Variants in DET1 observed in about 807,000 individuals in gnomAD.
The protein encoded by DET1 is DET1 partner of COP1 E3 ubiquitin ligase, also known as DET1 homolog.
Under a neutral mutation model 43.7 loss-of-function variants are expected in DET1, and 22 were observed. The observed-to-expected ratio is 0.50, with a 90% CI of 0.36 to 0.72. The LOEUF is 0.72. Ranked by LOEUF, DET1 falls within the 30% of genes least tolerant of loss-of-function variation. DET1 has a pLI of 0.00. For synonymous variants in DET1, 315 were observed against 266.2 expected, an observed-to-expected ratio of 1.18 and a Z score of -1.79; for missense variants, 713 against 713.3, an observed-to-expected ratio of 1.00 and a Z score of 0.00.
rs749926229 is a variant in DET1, at chr15:88,531,321, G to A, written c.385C>T (p.His129Tyr). The A allele has an allele frequency of 2.5e-6, 4 of 1,613,946 alleles. No homozygotes were observed. Among genetic ancestry groups the A allele is most frequent in the Non-Finnish European group, 3.4e-6 (4 of 1,179,872 alleles). ...RLFERFFVLL[H>Y]ITNVAANGEH... ...CCATTGGCCGCAACATTGGTAATGTGCAGCAGGACAAAAAAGCGTTCAAAG... is the reference window on the plus strand; with the variant it reads ...CCATTGGCCGCAACATTGGTAATGTACAGCAGGACAAAAAAGCGTTCAAAG... The change falls in exon 2 of 5, where the codon CAC becomes TAC. Residue 129 changes from histidine (H) to tyrosine (Y), a missense_variant. Physicochemically the swap from His to Tyr is moderately conservative, Grantham distance 83. Transcript: ENST00000268148. The surrounding 1 kb of genome is among the most constrained non-coding windows in gnomAD (Gnocchi z 6.2).
Position 88,537,534 on chromosome 15 carries a change from T to A in DET1, c.-10-5819A>T, listed in dbSNP as rs115450751. Reference sequence around the variant, plus strand: ...CCAGTTTTTGTAAATGAAATTTCACTGGAACCCTCCCATACCCAGTCATTT... The same window carrying A: ...CCAGTTTTTGTAAATGAAATTTCACAGGAACCCTCCCATACCCAGTCATTT... On this transcript the variant is annotated intron_variant, in intron 1 of 4. Transcript: ENST00000268148. 3.6e-3 allele frequency among the ~76,000 whole-genome samples: 545 copies of A among 152,332 alleles called. 3 individuals are homozygous for A. The highest frequency in any genetic ancestry group is 0.013 in the African/African-American group (531 of 41,582).
downstream of DET1, among the ~76,000 whole-genome samples, chr15:88,511,066 C>G (rs1049828831): frequency 6.6e-6 from 1 of 152,198 alleles, no homozygotes; most frequent in South Asian, 2.1e-4. Flanking sequence ...GCCACCACGC[C>G]TGGCTGAGCA....
In DET1 at chr15:88,512,551, G is replaced by T. The variant is rs961112845; in HGVS notation, c.*400C>A. The T allele has an allele frequency of 6.4e-5, 64 of 995,446 alleles. No individual in the cohort carries two copies. The highest frequency in any genetic ancestry group is 7.7e-5 in the Non-Finnish European group (64 of 836,600). 61.7% of individuals were successfully genotyped at this position (995,446 alleles called of 1,614,324 possible). On this transcript the variant is annotated 3_prime_UTR_variant, in exon 5 of 5. Coordinates refer to ENST00000268148, the MANE Select transcript of DET1 (RefSeq NM_001144074.3). ...GCCGTGCTTATGAGCTAAATGGAAA[G>T]GATGTATGTCATTCTCATCAGTAAA...
At chr15:88,535,681 G>T (rs1046991099) in intron 1 of DET1, among the ~76,000 whole-genome samples, 1 of 151,982 alleles carries the variant, frequency 6.6e-6, no homozygotes, top group Non-Finnish European at 1.5e-5. Context: ...ACTTGAGCCT[G>T]GGAAGCAGAG....
chr15:88,529,913 T>G (rs1033474569), intron 2 of DET1, among the ~76,000 whole-genome samples: 1 of 152,230 alleles, frequency 6.6e-6, no homozygotes, highest in Non-Finnish European at 1.5e-5. Flanking sequence ...CTTATTCCCT[T>G]TTGGGAAATG....
At chr15:88,545,467 C>T (rs929597611) in intron 1 of DET1, among the ~76,000 whole-genome samples, 22 of 152,156 alleles carry the variant, frequency 1.4e-4, no homozygotes, top group Admixed American at 6.5e-4. Flanking sequence ...TAGGCAACAA[C>T]AGGAACGAGA....
At chr15:88,533,312 G>T (rs901867384) in intron 1 of DET1, among the ~76,000 whole-genome samples, 1 of 152,176 alleles carries the variant, frequency 6.6e-6, no homozygotes, top group African/African-American at 2.4e-5. Flanking sequence ...CATAGAGGAA[G>T]TTGAACCCTT....
chr15:88,542,562 G>T (rs552990384), intron 1 of DET1, among the ~76,000 whole-genome samples: 3 of 152,276 alleles, frequency 2.0e-5, no homozygotes, highest in Admixed American at 6.5e-5. Context: ...TTAAGAGAAA[G>T]CTCCAGAAAC....
In DET1 at chr15:88,531,165, T is replaced by C; in HGVS notation, c.541A>G (p.Thr181Ala). The C allele has an allele frequency of 6.2e-7, 1 of 1,613,126 alleles. No homozygotes were observed. The highest frequency in any genetic ancestry group is 8.5e-7 in the Non-Finnish European group (1 of 1,179,672). Residue 181 changes from threonine (T) to alanine (A), a missense_variant, in exon 2 of 5, where the codon ACC becomes GCC. Transcript: ENST00000268148. The surrounding 1 kb of genome is among the most constrained non-coding windows in gnomAD (Gnocchi z 6.2). Reference sequence around the variant, plus strand: ...TCTAGAGGGGACCGTGGGTTGGGGGTCACTGATTCACTGTTCCGATATACC... The same window carrying C: ...TCTAGAGGGGACCGTGGGTTGGGGGCCACTGATTCACTGTTCCGATATACC... Reference protein sequence around the residue: ...FEVYRNSESVTPNPRSPLEDY... With the variant: ...FEVYRNSESVAPNPRSPLEDY...
intron 3 of DET1, among the ~76,000 whole-genome samples, chr15:88,522,803 C>G (rs148283753): frequency 6.6e-6 from 1 of 151,814 alleles, no homozygotes; most frequent in Non-Finnish European, 1.5e-5. Flanking sequence ...CAGGCATGAG[C>G]CACCGCGCAC....
rs201071368 is a variant in DET1, at chr15:88,531,644, C to T, written c.62G>A (p.Arg21His). The change falls in exon 2 of 5, where the codon CGC becomes CAC. Residue 21 changes from arginine (R) to histidine (H), a missense_variant. By Grantham distance (29) the Arg-to-His change is conservative (BLOSUM62 0). Transcript: ENST00000268148. This position sits in a 1 kb window ranked among gnomAD's most constrained non-coding sequence, Gnocchi z 6.2. ...TGAACTGATCCGCCGGCGTTCCAAG[C>T]GGTGAATGACATTTTGGTTTTGGAT... ...RRIQNQNVIHRLERRRISSGK... is the reference protein window; with the variant it reads ...RRIQNQNVIHHLERRRISSGK... 93 of 1,613,424 alleles carry T rather than the reference C, an allele frequency of 5.8e-5. No homozygotes were observed. The highest frequency in any genetic ancestry group is 2.7e-4 in the South Asian group (25 of 91,076).
chr15:88,502,357 A>G (rs986202387), intron 8 of DET1: 1 of 152,114 alleles, frequency 6.6e-6, no homozygotes, highest in African/African-American at 2.4e-5. Context: ...CTATTCTTTC[A>G]ACAATTAATT....
At chr15:88,534,328 T>A (rs1337328338) in intron 1 of DET1, among the ~76,000 whole-genome samples, 1 of 152,120 alleles carries the variant, frequency 6.6e-6, no homozygotes, top group African/African-American at 2.4e-5. Context: ...AAAATGCAGC[T>A]ATAAAACCTA....
chr15:88,503,957 C>G (rs1432076091), exon 8 of DET1: 4 of 150,846 alleles, frequency 2.7e-5, no homozygotes, highest in Non-Finnish European at 1.5e-5. Flanking sequence ...ATCATGCCAC[C>G]ACACTCCAGC....
chr15:88,530,450 A>C (rs1342551194), intron 2 of DET1, among the ~76,000 whole-genome samples, 173 bp downstream of exon 2: 5 of 152,224 alleles, frequency 3.3e-5, no homozygotes, highest in Non-Finnish European at 2.9e-5. Context: ...ATTTGTCCAG[A>C]TAAATACATA....
intron 1 of DET1, among the ~76,000 whole-genome samples, chr15:88,535,848 G>A (rs1409947164): frequency 6.6e-6 from 1 of 151,748 alleles, no homozygotes; most frequent in Non-Finnish European, 1.5e-5. Flanking sequence ...GAGAGAGGAA[G>A]GAAGCAAGGG....
chr15:88,534,190 A>C (rs931828667), intron 1 of DET1, among the ~76,000 whole-genome samples: 6 of 152,198 alleles, frequency 3.9e-5, no homozygotes, highest in Non-Finnish European at 7.3e-5. Flanking sequence ...TTGTTTTATT[A>C]TACCTTGATT....
chr15:88,529,214 C>T lies in DET1; in HGVS notation c.1083+1409G>A, dbSNP rs567312788. Among the ~76,000 whole-genome samples the T allele has an allele frequency of 3.6e-4, 55 of 152,306 alleles. 1 individual carries two copies. The highest frequency in any genetic ancestry group is 1.8e-3 in the Admixed American group (28 of 15,298). ...ATAAAAAGGTAATTATAGCTCAAAC[C>T]TAAACAAAAGATTGATTCATGTCCT... On this transcript the variant is annotated intron_variant, in intron 2 of 4. Transcript: ENST00000268148.
At chr15:88,525,869 G>A (rs188912186) in intron 3 of DET1, among the ~76,000 whole-genome samples, 3 of 146,436 alleles carry the variant, frequency 2.0e-5, no homozygotes, top group South Asian at 2.2e-4. Flanking sequence ...TAAAGATAGG[G>A]TTTTGTCATG....
Sources: gnomAD v4.1 joint callset for allele counts (sites outside exome capture counted in the v4.1 genomes callset) on GRCh38, gnomAD v4.1.1 for gene constraint, Gnocchi (gnomAD v3.1) non-coding constraint, MANE v1.5 for transcripts, NCBI Gene and HGNC (gene_info 2026-07-23, HGNC 2026-07-21) for gene names.